The following MYO18B variants were observed in gnomAD, a reference collection of about 807,000 sequenced individuals.
MYO18B encodes the protein myosin XVIIIB, also known as unconventional myosin-XVIIIb.
MYO18B carries 204 observed loss-of-function variants against 273.0 expected under a neutral mutation model. That is an observed-to-expected ratio of 0.75 (90% confidence interval 0.67 to 0.84). The LOEUF (loss-of-function observed/expected upper bound fraction) is 0.84. MYO18B is among the 40% of genes least tolerant of loss of function. The probability of loss-of-function intolerance (pLI) is 0.00; values close to 1 mark genes in which losing one functional copy is unlikely to be tolerated. For missense variants in MYO18B, 3,212 were observed against 3,287.6 expected, an observed-to-expected ratio of 0.98 and a Z score of 0.56; for synonymous variants, 1,330 against 1,305.7, an observed-to-expected ratio of 1.02 and a Z score of -0.40.
chr22:25,840,182 C>G (rs914287729), intron 17 of MYO18B, among the ~76,000 whole-genome samples: 3 of 152,184 alleles, frequency 2.0e-5, no homozygotes, highest in Non-Finnish European at 4.4e-5. Flanking sequence ...GACAGTTGCT[C>G]CTGTTCACTG....
intron 34 of MYO18B, among the ~76,000 whole-genome samples, chr22:25,924,626 G>T (rs1317861442): frequency 6.6e-6 from 1 of 152,210 alleles, no homozygotes; most frequent in Non-Finnish European, 1.5e-5. Flanking sequence ...AATAGGCAGG[G>T]ACCAGAACAT....
At chr22:25,850,385 C>A (rs1413098246) in intron 20 of MYO18B, among the ~76,000 whole-genome samples, 1 of 152,068 alleles carries the variant, frequency 6.6e-6, no homozygotes, top group African/African-American at 2.4e-5. Context: ...GGGTTTGAGT[C>A]CCAGCTGAGA....
rs957895039 is a variant in MYO18B, at chr22:25,813,504, T to C, written c.2522-10001T>C. Among the ~76,000 whole-genome samples, 5 of 152,058 alleles carry C rather than the reference T, an allele frequency of 3.3e-5. No homozygotes were observed. In the East Asian group the frequency reaches 9.6e-4, roughly 29 times the overall value. ...AATTCTGGGCAGGAGACAACCAAAG[T>C]TGAGGGTGGTCAGCTCCACTCAAGG... On this transcript the variant is annotated intron_variant, in intron 12 of 43. Transcript: ENST00000335473.
chr22:25,970,262 A>G (rs1302631494), intron 39 of MYO18B, among the ~76,000 whole-genome samples: 3 of 152,296 alleles, frequency 2.0e-5, no homozygotes, highest in South Asian at 4.2e-4. Flanking sequence ...GACTAGAATC[A>G]AAGAGCACTG....
At chr22:25,911,108 A>T in intron 33 of MYO18B, 58 bp downstream of exon 33, 1 of 1,280,056 alleles carries the variant, frequency 7.8e-7, no homozygotes, top group South Asian at 1.3e-5. Context: ...TATTTGAGAG[A>T]TGGGCTCATG....
At chr22:25,785,629 G>A (rs1349352008) in intron 11 of MYO18B, 138 bp downstream of exon 11, 4 of 795,298 alleles carry the variant, frequency 5.0e-6, no homozygotes, top group Non-Finnish European at 8.4e-6. Flanking sequence ...GGAAGAGTTG[G>A]CACTGCCTTT....
intron 31 of MYO18B, among the ~76,000 whole-genome samples, chr22:25,905,416 C>T (rs1489336405): frequency 6.6e-6 from 1 of 152,212 alleles, no homozygotes; most frequent in African/African-American, 2.4e-5. Context: ...ATAAGACAGA[C>T]ACAATCTCTG....
rs739284 is a variant in MYO18B at position 25,921,188 on chromosome 22, A to G, written c.5365-69A>G. The G allele has an allele frequency of 0.9, 1,322,438 of 1,470,142 alleles. 596,917 individuals are homozygous for G. Among genetic ancestry groups the G allele is most frequent in the Middle Eastern group, 0.97 (5,405 of 5,570 alleles). The allele number at this position is 1,470,142 out of a possible 1,614,324, so 91.1% of individuals were successfully genotyped here. On this transcript the variant is annotated intron_variant, in intron 33 of 43. Transcript: ENST00000335473. Reference sequence around the variant, plus strand: ...GGCAGGATTTAAACCAGGGAACCTGATTCCGGAAAACTTAGACCCTGGCCA... The same window carrying G: ...GGCAGGATTTAAACCAGGGAACCTGGTTCCGGAAAACTTAGACCCTGGCCA...
chr22:26,030,107 A>G (rs942116918), intron 43 of MYO18B, among the ~76,000 whole-genome samples: 16 of 152,190 alleles, frequency 1.1e-4, no homozygotes, highest in Non-Finnish European at 1.8e-4. Flanking sequence ...ACAGTGGCTC[A>G]TGCCCATAAT....
In MYO18B at chr22:25,976,872, T is replaced by C. The variant is rs147585345; in HGVS notation, c.6157-15491T>C. Among the ~76,000 whole-genome samples the C allele has an allele frequency of 1.3e-3, 202 of 152,342 alleles. 5 individuals are homozygous for C. In the South Asian group the frequency reaches 0.027, roughly 20 times the overall value. ...TTCTTTGGCTTGTGGAAAATGCTGATTGAGGTTTCATTTGTTACGAGGTGA... is the reference window on the plus strand; with the variant it reads ...TTCTTTGGCTTGTGGAAAATGCTGACTGAGGTTTCATTTGTTACGAGGTGA... On this transcript the variant is annotated intron_variant, in intron 39 of 43. Transcript: ENST00000335473.
chr22:26,001,267 A>G (rs1933926817), intron 40 of MYO18B, among the ~76,000 whole-genome samples: 1 of 152,256 alleles, frequency 6.6e-6, no homozygotes, highest in African/African-American at 2.4e-5. Flanking sequence ...GCAGAAACTG[A>G]AAGACAAACT....
intron 31 of MYO18B, among the ~76,000 whole-genome samples, 191 bp from the exon 32 acceptor site, chr22:25,908,131 A>G (rs540537685): frequency 1.3e-5 from 2 of 152,236 alleles, no homozygotes; most frequent in South Asian, 4.1e-4. Context: ...TATAAGCACA[A>G]GAATGGATAG....
rs542324409 is a variant in MYO18B, at chr22:25,955,330, G to A, written c.6122G>A (p.Arg2041Gln). The change falls in exon 39 of 44, where the codon CGG becomes CAG. Residue 2041 changes from arginine to glutamine, a missense_variant. By Grantham distance (43) the Arg-to-Gln change is conservative. Transcript: ENST00000335473. ...GCCGACATGGAAGAGCTGGTGCAGC[G>A]GGAGGCAGAGGCCAGCCGGCGGTGC... ...LKADMEELVQREAEASRRCME... is the reference protein window; with the variant it reads ...LKADMEELVQQEAEASRRCME... 5.6e-5 allele frequency: 90 copies of A among 1,613,682 alleles called. 1 individual carries two copies. The Middle Eastern group carries it at 8.4e-4, about 15-fold the overall frequency.
Position 25,768,495 on chromosome 22 carries a change from G to A in MYO18B, c.579G>A (p.Gly193=). 6.2e-7 allele frequency: 1 copy of A among 1,606,578 alleles called. No homozygotes were observed. Among genetic ancestry groups the A allele is most frequent in the Non-Finnish European group, 8.5e-7 (1 of 1,176,678 alleles). ...CAGATACTGGAAAGGAAAAGAAAGGGGAGACCTCTAGGACTCCTTGTGGCT... is the reference window on the plus strand; with the variant it reads ...CAGATACTGGAAAGGAAAAGAAAGGAGAGACCTCTAGGACTCCTTGTGGCT... ...PATDTGKEKK[G]ETSRTPCGSQ... is the part of the protein sequence containing the mutation. The change falls in exon 4 of 44, where the codon GGG becomes GGA. Residue 193 remains glycine, a synonymous_variant. Transcript: ENST00000335473.
chr22:25,922,620 A>T lies in MYO18B; in HGVS notation c.5517+1211A>T, dbSNP rs193167273. Among the ~76,000 whole-genome samples, 124 of 152,236 alleles carry T rather than the reference A, an allele frequency of 8.1e-4. 1 individual carries two copies. Among genetic ancestry groups the T allele is most frequent in the African/African-American group, 2.7e-3 (113 of 41,544 alleles). On this transcript the variant is annotated intron_variant, in intron 34 of 43. Coordinates refer to ENST00000335473, the MANE Select transcript of MYO18B (RefSeq NM_032608.7). ...TCGCCACCTGCCTTCTTGGAGGGTT[A>T]CTGTCCCTTCCTCCAGTCAGAGGCT...
chr22:25,768,571 G>A lies in MYO18B; in HGVS notation c.655G>A (p.Gly219Arg), dbSNP rs1442750401. The change falls in exon 4 of 44, where the codon GGG becomes AGG. Residue 219 changes from glycine to arginine, a missense_variant. Physicochemically the swap from Gly to Arg is moderately radical, Grantham distance 125 (BLOSUM62 -2). Coordinates refer to ENST00000335473, the MANE Select transcript of MYO18B (RefSeq NM_032608.7). ...LAPKAEKTRT[G>R]GLGDPGQGTV... ...CCCGAAAGCTGAGAAGACCCGGACT[G>A]GGGGTCTTGGGGACCCAGGCCAAGG... 1 of 1,532,822 alleles carries A rather than the reference G, an allele frequency of 6.5e-7. No homozygotes were observed. The highest frequency in any genetic ancestry group is 1.4e-5 in the African/African-American group (1 of 71,976). 95.0% of individuals were successfully genotyped at this position (1,532,822 alleles called of 1,614,324 possible). A position where few individuals can be genotyped will look rare whatever the true frequency, so the allele number is the denominator to read the frequency against.
intron 39 of MYO18B, among the ~76,000 whole-genome samples, chr22:25,985,225 A>G (rs2093188151): frequency 6.6e-6 from 1 of 152,032 alleles, no homozygotes; most frequent in Non-Finnish European, 1.5e-5. Flanking sequence ...GCCAGGCATA[A>G]TGGCAGGTGC....
chr22:26,017,426 T>C (rs981232238), intron 42 of MYO18B, among the ~76,000 whole-genome samples: 6 of 151,360 alleles, frequency 4.0e-5, no homozygotes, highest in Non-Finnish European at 5.9e-5. Context: ...CTTCCCCTTA[T>C]GAAAACAAGT....
chr22:25,841,166 A>G (rs2090071409), intron 17 of MYO18B, among the ~76,000 whole-genome samples: 1 of 152,160 alleles, frequency 6.6e-6, no homozygotes, highest in African/African-American at 2.4e-5. Context: ...GTGGACAGTC[A>G]GGTGACAGGC....
Sources: gnomAD v4.1 joint callset for allele counts (sites outside exome capture counted in the v4.1 genomes callset) on GRCh38, gnomAD v4.1.1 for gene constraint, MANE v1.5 for transcripts, NCBI Gene and HGNC (gene_info 2026-07-23, HGNC 2026-07-21) for gene names.